P2RY8: variants seen among roughly 807,000 people sequenced by gnomAD.
P2RY8 encodes the protein P2Y receptor family member 8.
P2RY8 carries 6 observed loss-of-function variants against 10.0 expected under a neutral mutation model. That is an observed-to-expected ratio of 0.60 (90% CI 0.33 to 1.19). P2RY8 has a LOEUF of 1.19. Among genes scored for constraint, P2RY8 ranks in the 50% most tolerant of loss-of-function variants. The probability of loss-of-function intolerance (pLI) is 0.04; values close to 1 mark genes in which losing one functional copy is unlikely to be tolerated. For synonymous variants in P2RY8, 276 were observed against 252.5 expected, an observed-to-expected ratio of 1.09 and a Z score of -0.88; for missense variants, 456 against 542.0, an observed-to-expected ratio of 0.84 and a Z score of 1.58.
intron 1 of P2RY8, among the ~76,000 whole-genome samples, chrX:1,511,024 A>G (rs1483162452): frequency 6.6e-6 from 1 of 151,206 alleles, no homozygotes; most frequent in Non-Finnish European, 1.5e-5. Flanking sequence ...TAAAAAATAC[A>G]AAAAAATTAG....
intron 1 of P2RY8, among the ~76,000 whole-genome samples, chrX:1,527,371 T>C (rs1416569250): frequency 1.3e-5 from 2 of 151,730 alleles, no homozygotes; most frequent in African/African-American, 4.8e-5. Context: ...CATCCACTAT[T>C]CATTTGCCCA....
chrX:1,502,669 A>T (rs1447100728), intron 1 of P2RY8, among the ~76,000 whole-genome samples: 1 of 152,140 alleles, frequency 6.6e-6, no homozygotes, highest in African/African-American at 2.4e-5. Flanking sequence ...TTTGGAAAAG[A>T]GGGTCTTTGC....
intron 1 of P2RY8, among the ~76,000 whole-genome samples, chrX:1,472,112 G>A (rs1475489838): frequency 2.6e-5 from 4 of 152,022 alleles, no homozygotes; most frequent in African/African-American, 4.8e-5. Flanking sequence ...CTTTGATTAC[G>A]TAGAAGGAAG....
At chrX:1,482,365 T>C (rs2149385312) in intron 1 of P2RY8, among the ~76,000 whole-genome samples, 1 of 151,096 alleles carries the variant, frequency 6.6e-6, no homozygotes, top group African/African-American at 2.4e-5. Context: ...AGTGTGGAAA[T>C]AGCACGTATG....
intron 1 of P2RY8, among the ~76,000 whole-genome samples, chrX:1,483,601 T>C (rs1327248562): frequency 2.0e-5 from 3 of 151,808 alleles, no homozygotes; most frequent in African/African-American, 7.3e-5. Flanking sequence ...GCCACTGCAC[T>C]CCAGCCTGGG....
chrX:1,523,078 A>AAAATAAATAAAT (rs527900056), intron 1 of P2RY8, among the ~76,000 whole-genome samples: 1,364 of 134,830 alleles, frequency 0.01, 4 homozygotes, highest in East Asian at 0.017. Flanking sequence ...CCCACTGCCA[A>AAAATAAATAAAT]AAATAAATAA....
intron 1 of P2RY8, among the ~76,000 whole-genome samples, chrX:1,488,040 G>A (rs746042976): frequency 6.6e-6 from 1 of 152,098 alleles, no homozygotes; most frequent in African/African-American, 2.4e-5. Context: ...AACCTGGGAG[G>A]TGGAGGTTGC....
In P2RY8 at chrX:1,532,360, T is replaced by C. The variant is rs139949165; in HGVS notation, c.-25+4561A>G. ...CATATATGTATATGATGTGTATATA[T>C]ACACATATACGTATATGATGTGTGT... is the stretch of plus-strand genomic sequence containing the variant. On this transcript the variant is annotated intron_variant, in intron 1 of 1. Transcript: ENST00000381297. Among the ~76,000 whole-genome samples, 256 of 148,290 alleles carry C rather than the reference T, an allele frequency of 1.7e-3. 6 individuals are homozygous for C. The highest frequency in any genetic ancestry group is 3.5e-3 in the Middle Eastern group (1 of 282).
chrX:1,498,202 C>G (rs1469693171), intron 1 of P2RY8, among the ~76,000 whole-genome samples: 1 of 151,758 alleles, frequency 6.6e-6, no homozygotes, highest in African/African-American at 2.4e-5. Flanking sequence ...GTCAGGAGAT[C>G]AAGACCATCC....
At position 1,478,272 on chromosome X, in the gene P2RY8, T is replaced by TGTGTGTGTGC. The variant is rs1318193075; in HGVS notation, c.-24-11691_-24-11690insGCACACACAC. Among the ~76,000 whole-genome samples, 963 of 104,000 alleles carry TGTGTGTGTGC rather than the reference T, an allele frequency of 9.3e-3. 13 individuals are homozygous for TGTGTGTGTGC. The highest frequency in any genetic ancestry group is 0.029 in the African/African-American group (927 of 31,620). 68.2% of individuals were successfully genotyped at this position (104,000 alleles called of 152,430 possible). ...GTATGTGTGTGTGTGTGTGTGTGTG[T>TGTGTGTGTGC]GCCCAGCAGGGAAGCAGAAATTATT... On this transcript the variant is annotated intron_variant, in intron 1 of 1. Transcript: ENST00000381297.
chrX:1,518,739 C>A (rs1373076931), intron 1 of P2RY8, among the ~76,000 whole-genome samples: 1 of 151,940 alleles, frequency 6.6e-6, no homozygotes, highest in Admixed American at 6.6e-5. Context: ...TCTCTCTAAT[C>A]CTCAATATTC....
intron 1 of P2RY8, among the ~76,000 whole-genome samples, chrX:1,531,415 C>T (rs2092474713): frequency 6.6e-6 from 1 of 152,166 alleles, no homozygotes; most frequent in Non-Finnish European, 1.5e-5. Context: ...AGGGGTCCCC[C>T]TGCTTACAGG....
intron 1 of P2RY8, among the ~76,000 whole-genome samples, chrX:1,508,058 T>C (rs2092251713): frequency 6.6e-6 from 1 of 151,814 alleles, no homozygotes; most frequent in Admixed American, 6.6e-5. Context: ...GATGCCCCTG[T>C]CCCCCCGACG....
At chrX:1,472,547 G>A (rs1191497362) in intron 1 of P2RY8, among the ~76,000 whole-genome samples, 1 of 143,972 alleles carries the variant, frequency 6.9e-6, no homozygotes, top group Non-Finnish European at 1.5e-5. Context: ...TGAATGGTAG[G>A]TGGGTTTGTG....
intron 1 of P2RY8, among the ~76,000 whole-genome samples, chrX:1,498,755 G>A (rs1439089129): frequency 1.3e-5 from 2 of 151,286 alleles, no homozygotes; most frequent in African/African-American, 4.9e-5. Flanking sequence ...TGAACTCCTG[G>A]TCTCGAACTC....
intron 1 of P2RY8, among the ~76,000 whole-genome samples, chrX:1,516,023 A>C (rs1175207136): frequency 9.5e-5 from 1 of 10,514 alleles, no homozygotes. Context: ...TCTCTACTAA[A>C]AAAAAAAAAA....
In P2RY8 at chrX:1,465,560, C is replaced by T. The variant is rs745381874; in HGVS notation, c.999G>A (p.Val333=). Residue 333 remains valine, a synonymous_variant, in exon 2 of 2, where the codon GTG becomes GTA. Coordinates refer to ENST00000381297, the MANE Select transcript of P2RY8 (RefSeq NM_178129.5). ...ESLFSARTTS[V]RSEAGAHPEG... is the part of the protein sequence containing the mutation. ...CAGGGTGCGCACCGGCCTCGGAGCG[C>T]ACGGACGTGGTCCTGGCGGAGAAGA... 5 of 1,612,544 alleles carry T rather than the reference C, an allele frequency of 3.1e-6. No individual in the cohort carries two copies. Among genetic ancestry groups the T allele is most frequent in the South Asian group, 1.1e-5 (1 of 91,040 alleles).
intron 1 of P2RY8, among the ~76,000 whole-genome samples, chrX:1,524,409 G>GCATGCATCCATC (rs1309158911): frequency 0.034 from 3,757 of 109,842 alleles, 314 homozygotes; most frequent in African/African-American, 0.074. Flanking sequence ...ATCCATGCAT[G>GCATGCATCCATC]CATCCATCCA....
intron 1 of P2RY8, among the ~76,000 whole-genome samples, chrX:1,498,664 C>T (rs1461797639): frequency 2.0e-5 from 3 of 149,094 alleles, no homozygotes; most frequent in Non-Finnish European, 3.0e-5. Flanking sequence ...ATTACAGGCA[C>T]GCGCCACCAT....
Sources: gnomAD v4.1 joint callset for allele counts (sites outside exome capture counted in the v4.1 genomes callset) on GRCh38, gnomAD v4.1.1 for gene constraint, MANE v1.5 for transcripts, NCBI Gene and HGNC (gene_info 2026-07-23, HGNC 2026-07-21) for gene names.